PEBP4: variants seen among roughly 807,000 people sequenced by gnomAD.
PEBP4 encodes the protein phosphatidylethanolamine binding protein 4, also known as phosphatidylethanolamine-binding protein 4.
PEBP4 carries 22 observed loss-of-function variants against 23.9 expected under a neutral mutation model. The observed-to-expected ratio is 0.92, with a 90% CI of 0.66 to 1.31. The LOEUF is 1.31. Ranked by LOEUF, PEBP4 falls within the 40% of genes most tolerant of loss-of-function variation. PEBP4 has a pLI of 0.00. For synonymous variants in PEBP4, 112 were observed against 99.3 expected (o/e 1.13, Z -0.76); for missense variants, 324 against 281.7 (o/e 1.15, Z -1.07).
At chr8:22,809,729 T>G (rs1585284905) in intron 4 of PEBP4, among the ~76,000 whole-genome samples, 1 of 152,246 alleles carries the variant, frequency 6.6e-6, no homozygotes, top group South Asian at 2.1e-4. Context: ...CTTATTTTCC[T>G]TCTTCCTCTC....
chr8:22,746,129 T>C (rs572157273), intron 4 of PEBP4, among the ~76,000 whole-genome samples: 1 of 151,616 alleles, frequency 6.6e-6, no homozygotes, highest in African/African-American at 2.4e-5. Context: ...TCCTTCCTTT[T>C]TTTTTCCCCT....
chr8:22,749,846 G>C (rs112283544), intron 4 of PEBP4, among the ~76,000 whole-genome samples: 239 of 99,200 alleles, frequency 2.4e-3, no homozygotes, highest in African/African-American at 8.1e-3. Flanking sequence ...CGCTCTTGTT[G>C]CCCAGCCTGG....
At chr8:22,868,152 A>T (rs1377516728) in intron 3 of PEBP4, among the ~76,000 whole-genome samples, 1 of 152,210 alleles carries the variant, frequency 6.6e-6, no homozygotes, top group African/African-American at 2.4e-5. Flanking sequence ...AAGACAGACC[A>T]TGAGGAGCCA....
At chr8:22,848,465 C>T (rs891470313) in intron 3 of PEBP4, among the ~76,000 whole-genome samples, 2 of 121,842 alleles carry the variant, frequency 1.6e-5, no homozygotes, top group Non-Finnish European at 3.3e-5. Flanking sequence ...TGTGCAGGCT[C>T]AGAGAAGGGG....
intron 4 of PEBP4, among the ~76,000 whole-genome samples, chr8:22,780,434 C>T (rs1176684677): frequency 6.6e-6 from 1 of 152,102 alleles, no homozygotes; most frequent in African/African-American, 2.4e-5. Context: ...CCTACTAGGT[C>T]CTCTCCCCTC....
intron 6 of PEBP4, among the ~76,000 whole-genome samples, chr8:22,723,692 G>A (rs1269303281): frequency 1.3e-5 from 2 of 152,238 alleles, no homozygotes; most frequent in Non-Finnish European, 2.9e-5. Flanking sequence ...CTTTGGCAAA[G>A]CCGTTTAAAC....
At chr8:22,757,914 C>T (rs1472083046) in intron 4 of PEBP4, 1 of 152,264 alleles carries the variant, frequency 6.6e-6, no homozygotes, top group Non-Finnish European at 1.5e-5. Flanking sequence ...GCCCAGCTTC[C>T]CTGGCCGGAT....
chr8:22,751,610 CTGTG>C (rs1318478495), intron 4 of PEBP4, among the ~76,000 whole-genome samples: 3 of 78,942 alleles, frequency 3.8e-5, no homozygotes, highest in South Asian at 4.6e-4. Context: ...GTGTGTGTGT[CTGTG>C]TGTGTGTGTG....
intron 2 of PEBP4, among the ~76,000 whole-genome samples, chr8:22,922,857 T>C (rs1809240034): frequency 6.6e-6 from 1 of 152,188 alleles, no homozygotes; most frequent in South Asian, 2.1e-4. Context: ...CCTGATCTCC[T>C]TGACAAGACT....
At chr8:22,880,126 G>C (rs1188627662) in intron 3 of PEBP4, among the ~76,000 whole-genome samples, 1 of 152,224 alleles carries the variant, frequency 6.6e-6, no homozygotes, top group Non-Finnish European at 1.5e-5. Context: ...CTGGGGCTCT[G>C]CCCAGGGCCA....
At chr8:22,715,964 G>C (rs1347272483) in intron 6 of PEBP4, among the ~76,000 whole-genome samples, 1 of 152,190 alleles carries the variant, frequency 6.6e-6, no homozygotes, top group Non-Finnish European at 1.5e-5. Flanking sequence ...GAGGCAGAGA[G>C]TCCGCGGCCA....
rs1268855798 is a variant in PEBP4 at position 22,795,143 on chromosome 8, G to GTGTGTGTATATATA, written c.357+22493_357+22494insTATATATACACACA. The stretch of plus-strand genomic sequence containing the variant: ...TATGTGTGTATATATATGTGTGTGT[G>GTGTGTGTATATATA]TATATATATATATATATATATTTTT... On this transcript the variant is annotated intron_variant, in intron 4 of 6. Transcript: ENST00000256404. Among the ~76,000 whole-genome samples, 28 of 49,904 alleles carry GTGTGTGTATATATA rather than the reference G, an allele frequency of 5.6e-4. 1 individual carries two copies. The highest frequency in any genetic ancestry group is 2.3e-3 in the African/African-American group (26 of 11,268). The allele number at this position is 49,904 out of a possible 152,430, so 32.7% of individuals were successfully genotyped here.
chr8:22,759,949 C>T (rs1304029843), intron 4 of PEBP4, among the ~76,000 whole-genome samples: 5 of 152,186 alleles, frequency 3.3e-5, no homozygotes, highest in Admixed American at 6.5e-5. Context: ...TGTCACTTCT[C>T]TCCTGGTAAA....
intron 6 of PEBP4, among the ~76,000 whole-genome samples, chr8:22,718,843 TC>T (rs1403221686): frequency 6.6e-6 from 1 of 152,088 alleles, no homozygotes; most frequent in Non-Finnish European, 1.5e-5. Context: ...TCAGGCCTCT[TC>T]CCTCCATGCT....
At chr8:22,788,595 T>G (rs1013540571) in intron 4 of PEBP4, among the ~76,000 whole-genome samples, 73 of 152,234 alleles carry the variant, frequency 4.8e-4, no homozygotes, top group African/African-American at 1.8e-3. Context: ...ATCTGTAAAC[T>G]GGAGAGGCTG....
chr8:22,724,721 G>A (rs1222361473), intron 6 of PEBP4, 122 bp downstream of exon 6: 5 of 710,574 alleles, frequency 7.0e-6, no homozygotes, highest in Non-Finnish European at 7.3e-6. Flanking sequence ...ACCAGCCTTC[G>A]ACCCCAGTCT....
chr8:22,864,753 G>A (rs1807850647), intron 3 of PEBP4, among the ~76,000 whole-genome samples: 1 of 152,238 alleles, frequency 6.6e-6, no homozygotes, highest in African/African-American at 2.4e-5. Flanking sequence ...GGGCGGAAGG[G>A]GTGAGAAAAT....
At chr8:22,713,600 G>A (rs2280106) in intron 6 of PEBP4, 64 bp from the exon 7 acceptor site, 502,081 of 1,606,118 alleles carry the variant, frequency 0.31, 79,924 homozygotes, top group Admixed American at 0.44. Context: ...AAGCTGGCAG[G>A]GGCCTGAGAG....
intron 4 of PEBP4, among the ~76,000 whole-genome samples, chr8:22,734,530 G>A (rs767062233): frequency 4.6e-5 from 7 of 152,202 alleles, no homozygotes; most frequent in African/African-American, 7.2e-5. Context: ...GGGCAGTGGG[G>A]ACAGCTTGGT....
Sources: gnomAD v4.1 joint callset for allele counts (sites outside exome capture counted in the v4.1 genomes callset) on GRCh38, gnomAD v4.1.1 for gene constraint, MANE v1.5 for transcripts, NCBI Gene and HGNC (gene_info 2026-07-23, HGNC 2026-07-21) for gene names.